The following SMARCAL1 variants were observed in gnomAD, a reference collection of about 807,000 sequenced individuals.
SMARCAL1 encodes the protein ATP-driven annealing helicase.
A neutral mutation model predicts 94.5 loss-of-function variants in SMARCAL1; 58 were observed. The ratio of observed to expected loss-of-function variants is 0.61; its 90% CI spans 0.50 to 0.76. The LOEUF is 0.76. Ranked by LOEUF, SMARCAL1 falls within the 30% of genes least tolerant of loss-of-function variation. The pLI is 0.00. For missense variants in SMARCAL1, 1,051 were observed against 1,177.9 expected, an observed-to-expected ratio of 0.89 and a Z score of 1.58; for synonymous variants, 422 against 455.1, an observed-to-expected ratio of 0.93 and a Z score of 0.93.
rs770713311 is a variant in SMARCAL1, at chr2:216,482,713, C to G, written c.2626-25C>G. The G allele has an allele frequency of 1.9e-6, 3 of 1,614,128 alleles. No homozygotes were observed. The highest frequency in any genetic ancestry group is 1.7e-6 in the Non-Finnish European group (2 of 1,180,012). On this transcript the variant is annotated intron_variant, in intron 17 of 17. Coordinates refer to ENST00000357276, the MANE Select transcript of SMARCAL1 (RefSeq NM_014140.4). The surrounding 1 kb of genome is among the most constrained non-coding windows in gnomAD (Gnocchi z 4.3). ...TTGGAGCCTGGGCTCTTCCTTTTAT[C>G]TTTTGTTTTCTTTCTCTGATGAAGG...
chr2:216,447,372 A>T (rs538034434), intron 11 of SMARCAL1, among the ~76,000 whole-genome samples: 2 of 152,080 alleles, frequency 1.3e-5, no homozygotes, highest in African/African-American at 2.4e-5. Flanking sequence ...TTTAATGGTT[A>T]TGGTTATCCG....
intron 1 of SMARCAL1, among the ~76,000 whole-genome samples, chr2:216,413,539 A>T (rs1693513651): frequency 6.6e-6 from 1 of 152,334 alleles, no homozygotes; most frequent in East Asian, 1.9e-4. Flanking sequence ...TATACTCTAA[A>T]TTATTAATTT....
At position 216,414,660 on chromosome 2, in the gene SMARCAL1, T is replaced by A. The variant is rs750162086; in HGVS notation, c.-45T>A. 2.4e-5 allele frequency: 37 copies of A among 1,566,712 alleles called. No individual in the cohort carries two copies. Among genetic ancestry groups the A allele is most frequent in the Non-Finnish European group, 3.3e-5 (37 of 1,137,298 alleles). ...TTTCTTCCACAGCTTTTGCCAACTTTCCAATTAAAGGTTGACATTCCTGCA... is the reference window on the plus strand; with the variant it reads ...TTTCTTCCACAGCTTTTGCCAACTTACCAATTAAAGGTTGACATTCCTGCA... On this transcript the variant is annotated 5_prime_UTR_variant, in exon 3 of 18. Coordinates refer to ENST00000357276, the MANE Select transcript of SMARCAL1 (RefSeq NM_014140.4).
At chr2:216,468,727 T>A (rs1284518048) in intron 14 of SMARCAL1, among the ~76,000 whole-genome samples, 2 of 124,518 alleles carry the variant, frequency 1.6e-5, no homozygotes, top group Non-Finnish European at 3.9e-5. Context: ...TATTTCAAGG[T>A]TTTTTTATTT....
intron 14 of SMARCAL1, among the ~76,000 whole-genome samples, chr2:216,473,365 C>CTT (rs74269760): frequency 2.2e-5 from 3 of 138,168 alleles, no homozygotes; most frequent in African/African-American, 2.6e-5. Context: ...CTTGGTTTTC[C>CTT]TTTTTTTTTT....
chr2:216,416,102 A>T (rs1469831733), intron 3 of SMARCAL1, 155 bp from the exon 4 acceptor site: 3 of 699,708 alleles, frequency 4.3e-6, no homozygotes, highest in Non-Finnish European at 8.0e-6. Flanking sequence ...TATATTTACT[A>T]TTTGTCCTCT....
rs369431487 is a variant in SMARCAL1 at position 216,450,998 on chromosome 2, G to T, written c.2004G>T (p.Arg668=). Residue 668 remains arginine, a synonymous_variant, in exon 12 of 18, where the codon CGG becomes CGT. Transcript: ENST00000357276. The stretch of plus-strand genomic sequence containing the variant: ...AGATAGTGGTGATTGCCCCAGGACG[G>T]ATCAATGCCAGGACCAGAGCTGCCC... ...QRKIVVIAPG[R]INARTRAALD... 6.2e-7 allele frequency: 1 copy of T among 1,614,102 alleles called. No individual in the cohort carries two copies. Among genetic ancestry groups the T allele is most frequent in the Non-Finnish European group, 8.5e-7 (1 of 1,180,052 alleles).
Position 216,454,946 on chromosome 2 carries a change from G to A in SMARCAL1, c.2070+3882G>A, listed in dbSNP as rs144937275. ...CGCAAGGGGTCAGGGAATTCCTTTT[G>A]CTAGCCAAGCAAAGCTGTGACAGAT... On this transcript the variant is annotated intron_variant, in intron 12 of 17. Coordinates refer to ENST00000357276, the MANE Select transcript of SMARCAL1 (RefSeq NM_014140.4). Among the ~76,000 whole-genome samples, 439 of 152,346 alleles carry A rather than the reference G, an allele frequency of 2.9e-3. 6 individuals carry two copies. Among genetic ancestry groups the A allele is most frequent in the East Asian group, 0.025 (131 of 5,174 alleles).
At chr2:216,423,944 T>G in intron 6 of SMARCAL1, among the ~76,000 whole-genome samples, 1 of 152,182 alleles carries the variant, frequency 6.6e-6, no homozygotes, top group Middle Eastern at 3.2e-3. Flanking sequence ...TGTGAAATCT[T>G]CCTGCTGTCA....
intron 16 of SMARCAL1, 33 bp downstream of exon 16, chr2:216,477,242 G>A (rs1488253287): frequency 2.1e-6 from 3 of 1,446,684 alleles, no homozygotes; most frequent in Non-Finnish European, 2.9e-6. Context: ...GGCAGTTGGA[G>A]TCGAGCAAGG....
At chr2:216,455,366 A>T (rs564193135) in intron 12 of SMARCAL1, among the ~76,000 whole-genome samples, 5 of 152,226 alleles carry the variant, frequency 3.3e-5, no homozygotes, top group Non-Finnish European at 5.9e-5. Context: ...TTCTTCCAGC[A>T]TGGAGTTTGA....
intron 9 of SMARCAL1, among the ~76,000 whole-genome samples, chr2:216,437,031 G>C (rs41514154): frequency 0.035 from 5,346 of 152,284 alleles, 204 homozygotes; most frequent in East Asian, 0.16. Flanking sequence ...TTGTTGGTTT[G>C]TTCTTCAGTT....
chr2:216,423,719 A>C, intron 6 of SMARCAL1, 36 bp downstream of exon 6: 2 of 1,540,268 alleles, frequency 1.3e-6, no homozygotes, highest in Non-Finnish European at 1.8e-6. Flanking sequence ...ATATCATGCT[A>C]TTGTTAAGCT....
At chr2:216,442,416 CAAA>C (rs375677725) in intron 10 of SMARCAL1, among the ~76,000 whole-genome samples, 36 of 88,728 alleles carry the variant, frequency 4.1e-4, no homozygotes, top group Admixed American at 5.6e-4. Context: ...GACTCTGTCT[CAAA>C]AAAAAAAAAA....
chr2:216,428,632 A>G lies in SMARCAL1; in HGVS notation c.1184A>G (p.Asp395Gly). The G allele has an allele frequency of 6.2e-7, 1 of 1,614,036 alleles. No individual in the cohort carries two copies. Among genetic ancestry groups the G allele is most frequent in the Non-Finnish European group, 8.5e-7 (1 of 1,180,012 alleles). The stretch of plus-strand genomic sequence containing the variant: ...CGCTGCCTCCCACAAGTTCAGCTGG[A>G]CCCTCTGCCCACGACTCTCACCCTG... The part of the protein sequence containing the change: ...KVRCLPQVQL[D>G]PLPTTLTLAF... Residue 395 changes from aspartate to glycine, a missense_variant, in exon 7 of 18, where the codon GAC becomes GGC. By Grantham distance (94) the Asp-to-Gly change is moderately conservative. Transcript: ENST00000357276.
chr2:216,469,279 CTTTTTTTTTT>C (rs71054477), intron 14 of SMARCAL1, among the ~76,000 whole-genome samples: 4 of 102,998 alleles, frequency 3.9e-5, no homozygotes, highest in Admixed American at 1.1e-4. Flanking sequence ...TTAGAGATTT[CTTTTTTTTTT>C]TTTTTTTTTT....
At chr2:216,469,162 G>A (rs16856206) in intron 14 of SMARCAL1, among the ~76,000 whole-genome samples, 12,417 of 151,754 alleles carry the variant, frequency 0.082, 1,007 homozygotes, top group African/African-American at 0.21. Flanking sequence ...CTAGGAGTAC[G>A]TATCCATAAG....
intron 10 of SMARCAL1, among the ~76,000 whole-genome samples, chr2:216,439,297 G>A (rs1347478191): frequency 6.7e-6 from 1 of 149,922 alleles, no homozygotes. Context: ...CCCAACAGAG[G>A]GTAGTCCTCC....
chr2:216,474,128 C>CTTTTTTTTTTTTTTTTTTTTTTT (rs1182416023), intron 14 of SMARCAL1, among the ~76,000 whole-genome samples: 1 of 64,894 alleles, frequency 1.5e-5, no homozygotes, highest in African/African-American at 5.8e-5. Context: ...GTATAGCATT[C>CTTTTTTTTTTTTTTTTTTTTTTT]TTTTTTTTTT....
Sources: gnomAD v4.1 joint callset for allele counts (sites outside exome capture counted in the v4.1 genomes callset) on GRCh38, gnomAD v4.1.1 for gene constraint, Gnocchi (gnomAD v3.1) non-coding constraint, MANE v1.5 for transcripts, NCBI Gene and HGNC (gene_info 2026-07-23, HGNC 2026-07-21) for gene names.